MIB2: variants seen among roughly 807,000 people sequenced by gnomAD.
MIB2 encodes MIB E3 ubiquitin protein ligase 2, also known as E3 ubiquitin-protein ligase MIB2.
MIB2 carries 78 observed loss-of-function variants against 96.6 expected under a neutral mutation model. The observed-to-expected ratio is 0.81, with a 90% CI of 0.67 to 0.97. The LOEUF (loss-of-function observed/expected upper bound fraction) is 0.97, where lower values mean the gene tolerates loss of function less well. Ranked by LOEUF, MIB2 falls within the 50% of genes least tolerant of loss-of-function variation. The pLI, the probability that MIB2 is intolerant of heterozygous loss-of-function variation, is 0.00. For synonymous variants in MIB2, 820 were observed against 629.5 expected (o/e 1.30, Z -4.53); for missense variants, 1,543 against 1,424.0 (o/e 1.08, Z -1.35).
intron 2 of MIB2, among the ~76,000 whole-genome samples, chr1:1,621,379 G>C (rs1227249010): frequency 6.6e-6 from 1 of 152,264 alleles, no homozygotes; most frequent in African/African-American, 2.4e-5. Flanking sequence ...AGAGCCAGCT[G>C]CCTTCCCTGA....
intron 2 of MIB2, chr1:1,616,830 T>C (rs1643762601): frequency 2.0e-6 from 1 of 503,336 alleles, no homozygotes; most frequent in South Asian, 2.4e-5. Flanking sequence ...CCTGCAGGAT[T>C]GGGGCAGAGC....
At chr1:1,628,997 TG>T (rs1317845941) in intron 16 of MIB2, 135 bp from the exon 17 acceptor site, 4 of 997,728 alleles carry the variant, frequency 4.0e-6, no homozygotes, top group Non-Finnish European at 5.5e-6. Context: ...CTGTCCCACT[TG>T]GGTTCCGGAA....
In MIB2 at chr1:1,628,093, C is replaced by CA. The variant is rs1251022240; in HGVS notation, c.1756dup (p.Thr586AsnfsTer75). On this transcript the variant is annotated frameshift_variant, in exon 14 of 20. Coordinates refer to ENST00000355826, the MANE Select transcript of MIB2 (RefSeq NM_001170687.4). LOFTEE classifies it high-confidence loss of function. ...GAGCCAGCGGCATTGTCGAGGTCCT[C>CA]ACGGAGGTGCCAAACATCGATGTTA... 1 of 1,613,332 alleles carries CA rather than the reference C, an allele frequency of 6.2e-7. No individual in the cohort carries two copies. The highest frequency in any genetic ancestry group is 8.5e-7 in the Non-Finnish European group (1 of 1,180,002).
Position 1,628,267 on chromosome 1 carries a change from C to T in MIB2, c.1842-6C>T, listed in dbSNP as rs1645003897. ...CAGGTCCCAGACCAACCTCCCTGCTCCACAGAGCTGTGAGAAAGATTCTGG... is the reference window on the plus strand; with the variant it reads ...CAGGTCCCAGACCAACCTCCCTGCTTCACAGAGCTGTGAGAAAGATTCTGG... On this transcript the variant is annotated splice_polypyrimidine_tract_variant and splice_region_variant and intron_variant, in intron 14 of 19. Coordinates refer to ENST00000355826, the MANE Select transcript of MIB2 (RefSeq NM_001170687.4). The T allele has an allele frequency of 1.2e-6, 2 of 1,612,906 alleles. No homozygotes were observed. Among genetic ancestry groups the T allele is most frequent in the Admixed American group, 1.7e-5 (1 of 59,994 alleles).
At chr1:1,616,212 T>A in intron 1 of MIB2, 1 of 620,676 alleles carries the variant, frequency 1.6e-6, no homozygotes, top group Non-Finnish European at 2.0e-6. Context: ...GTGCCCGCCG[T>A]GCCCGCCCCT....
At chr1:1,629,093 C>A in intron 16 of MIB2, 40 bp from the exon 17 acceptor site, 4 of 1,404,830 alleles carry the variant, frequency 2.8e-6, no homozygotes, top group Non-Finnish European at 3.7e-6. Flanking sequence ...TCGGGCCTGC[C>A]CCGGCGCCCG....
At position 1,626,637 on chromosome 1, in the gene MIB2, CTT is replaced by C. The variant is rs754657317; in HGVS notation, c.973-11_973-10del. 1.9e-6 allele frequency: 3 copies of C among 1,541,868 alleles called. No individual in the cohort carries two copies. The highest frequency in any genetic ancestry group is 2.3e-5 in the East Asian group (1 of 43,824). ...CAGCTGGGGGGCCCCTCACGCCCCT[CTT>C]TGTCGCTCAGCACCACTCCTTCTGG... is the stretch of plus-strand genomic sequence containing the variant. On this transcript the variant is annotated splice_polypyrimidine_tract_variant and intron_variant, in intron 8 of 19. Coordinates refer to ENST00000355826, the MANE Select transcript of MIB2 (RefSeq NM_001170687.4). The surrounding 1 kb of genome is among the most constrained non-coding windows in gnomAD (Gnocchi z 5.3).
intron 2 of MIB2, among the ~76,000 whole-genome samples, chr1:1,622,540 C>T (rs1288066341): frequency 2.0e-5 from 3 of 152,218 alleles, no homozygotes; most frequent in Non-Finnish European, 2.9e-5. Context: ...TTTGTATAAA[C>T]GGAGCCGCCT....
chr1:1,630,557 G>C lies in MIB2; in HGVS notation c.*27G>C, dbSNP rs1048798572. 5 of 1,485,458 alleles carry C rather than the reference G, an allele frequency of 3.4e-6. No individual in the cohort carries two copies. The highest frequency in any genetic ancestry group is 4.5e-6 in the Non-Finnish European group (5 of 1,108,520). 92.0% of individuals were successfully genotyped at this position (1,485,458 alleles called of 1,614,324 possible). On this transcript the variant is annotated 3_prime_UTR_variant, in exon 20 of 20. Transcript: ENST00000355826. ...CCGCGCCGTCCGCCGCGCCCGAGCT[G>C]CCTTCGCGTGCCCCCGCCCTGTGTT...
Position 1,625,587 on chromosome 1 carries a change from C to T in MIB2, c.906C>T (p.Arg302=), listed in dbSNP as rs746495758. The change falls in exon 8 of 20, where the codon CGC becomes CGT. Residue 302 remains arginine (R), a synonymous_variant. Coordinates refer to ENST00000355826, the MANE Select transcript of MIB2 (RefSeq NM_001170687.4). The surrounding 1 kb of genome is among the most constrained non-coding windows in gnomAD (Gnocchi z 5.0). ...QTGTVHRITD[R]GDVRVQFNHE... ...GCACCGTGCATCGTATCACGGACCG[C>T]GGGGACGTGCGCGTGCAGTTCAACC... 9 of 1,583,722 alleles carry T rather than the reference C, an allele frequency of 5.7e-6. No homozygotes were observed. In the African/African-American group the frequency reaches 8.1e-5, roughly 14 times the overall value.
Position 1,628,300 on chromosome 1 carries a change from G to T in MIB2, c.1869G>T (p.Ala623=), listed in dbSNP as rs771349463. 6.2e-6 allele frequency: 10 copies of T among 1,612,960 alleles called. No homozygotes were observed. The South Asian group carries it at 9.9e-5, about 16-fold the overall frequency. The change falls in exon 15 of 20, where the codon GCG becomes GCT. Residue 623 remains alanine (A), a synonymous_variant. Coordinates refer to ENST00000355826, the MANE Select transcript of MIB2 (RefSeq NM_001170687.4). ...CTGTGAGAAAGATTCTGGCTCGGGC[G>T]CGGCAGCTGGTGGACGCCAAGAAGG... ...ALAVRKILAR[A]RQLVDAKKED...
rs1272160627 is a variant in MIB2 at position 1,630,533 on chromosome 1, C to G, written c.*3C>G. The G allele has an allele frequency of 6.4e-7, 1 of 1,560,398 alleles. No individual in the cohort carries two copies. The highest frequency in any genetic ancestry group is 2.4e-5 in the East Asian group (1 of 42,224). On this transcript the variant is annotated 3_prime_UTR_variant, in exon 20 of 20. Coordinates refer to ENST00000355826, the MANE Select transcript of MIB2 (RefSeq NM_001170687.4). ...ACCGCATCCAGATCTTCGTGTGAGCCGCGCCGTCCGCCGCGCCCGAGCTGC... is the reference window on the plus strand; with the variant it reads ...ACCGCATCCAGATCTTCGTGTGAGCGGCGCCGTCCGCCGCGCCCGAGCTGC...
Position 1,627,691 on chromosome 1 carries a change from C to T in MIB2, c.1542C>T (p.Thr514=), listed in dbSNP as rs1644937596. ...YAALGNQPEA[T]RVLLSAGCRA... The stretch of plus-strand genomic sequence containing the variant: ...CTGTCAGGAACCAGCCCGAGGCCAC[C>T]AGGGTGCTCCTGAGTGCTGGGTGCC... The change falls in exon 13 of 20, where the codon ACC becomes ACT. Residue 514 remains threonine (T), a synonymous_variant. Transcript: ENST00000355826. 5 of 1,594,630 alleles carry T rather than the reference C, an allele frequency of 3.1e-6. No homozygotes were observed. The highest frequency in any genetic ancestry group is 2.7e-5 in the African/African-American group (2 of 74,952).
At chr1:1,619,938 C>T (rs1644101068) in intron 2 of MIB2, among the ~76,000 whole-genome samples, 1 of 152,232 alleles carries the variant, frequency 6.6e-6, no homozygotes, top group Admixed American at 6.5e-5. Context: ...CAGACAGGTG[C>T]CAGTCTGGGG....
chr1:1,629,244 A>AGCCCGCTGGACCTGGCCGCC lies in MIB2; in HGVS notation c.2316_2335dup (p.Glu779AlafsTer45). 1 of 1,546,254 alleles carries AGCCCGCTGGACCTGGCCGCC rather than the reference A, an allele frequency of 6.5e-7. No individual in the cohort carries two copies. The highest frequency in any genetic ancestry group is 8.6e-7 in the Non-Finnish European group (1 of 1,157,036). On this transcript the variant is annotated frameshift_variant, in exon 17 of 20. Transcript: ENST00000355826. LOFTEE classifies it high-confidence loss of function. ...GAGCTACACCAACCACCGCGGTCGG[A>AGCCCGCTGGACCTGGCCGCC]GCCCGCTGGACCTGGCCGCCGAGGG...
rs367991232 is a variant in MIB2, at chr1:1,629,228, C to T, written c.2298C>T (p.Thr766=). 4.1e-5 allele frequency: 63 copies of T among 1,543,208 alleles called. 1 individual carries two copies. In the African/African-American group the frequency reaches 8.5e-4, roughly 21 times the overall value. Residue 766 remains threonine (T), a synonymous_variant, in exon 17 of 20, where the codon ACC becomes ACT. Transcript: ENST00000355826. ...LALEGADVSY[T]NHRGRSPLDL... is the part of the protein sequence containing the mutation. ...TGGAGGGCGCCGACGTGAGCTACACCAACCACCGCGGTCGGAGCCCGCTGG... is the reference window on the plus strand; with the variant it reads ...TGGAGGGCGCCGACGTGAGCTACACTAACCACCGCGGTCGGAGCCCGCTGG...
chr1:1,623,968 T>C (rs778524575), intron 4 of MIB2, 23 bp downstream of exon 4: 3 of 1,589,468 alleles, frequency 1.9e-6, no homozygotes, highest in East Asian at 2.3e-5. Flanking sequence ...CCGCACCGGC[T>C]CCTGTGCGGC....
upstream of MIB2, chr1:1,615,414 C>A: frequency 6.8e-7 from 1 of 1,467,760 alleles, no homozygotes; most frequent in Non-Finnish European, 8.9e-7. Context: ...CCGCGTGACG[C>A]ACTTCCGGTG....
At chr1:1,629,867 GC>G (rs1288251829) in intron 19 of MIB2, among the ~76,000 whole-genome samples, 163 bp downstream of exon 19, 1 of 42,470 alleles carries the variant, frequency 2.4e-5, no homozygotes, top group Non-Finnish European at 4.7e-5. Flanking sequence ...CCAGCCCCCA[GC>G]CCCGCCTGCT....
Sources: allele counts gnomAD v4.1 joint callset (sites outside exome capture counted in the v4.1 genomes callset), GRCh38; gene constraint gnomAD v4.1.1; non-coding constraint Gnocchi (gnomAD v3.1); transcripts MANE v1.5; gene names NCBI Gene and HGNC (gene_info 2026-07-23, HGNC 2026-07-21).